DCC: variants seen among roughly 807,000 people sequenced by gnomAD.
DCC encodes the protein DCC netrin 1 receptor, also known as netrin receptor DCC.
In DCC, 58 loss-of-function variants were observed where a neutral mutation model predicts 172.5. That is an observed-to-expected ratio of 0.34 (90% confidence interval 0.27 to 0.42). The LOEUF is 0.42. Ranked by LOEUF, DCC falls within the 10% of genes least tolerant of loss-of-function variation. The pLI is 1.00. For synonymous variants in DCC, 709 were observed against 644.5 expected (o/e 1.10, Z -1.52); for missense variants, 1,740 against 1,791.0 (o/e 0.97, Z 0.51).
chr18:53,071,314 G>A (rs2042648158), intron 7 of DCC, among the ~76,000 whole-genome samples: 1 of 152,166 alleles, frequency 6.6e-6, no homozygotes, highest in African/African-American at 2.4e-5. Flanking sequence ...TCCAGAAAAT[G>A]CTAGGGAAAA....
chr18:52,835,814 A>T (rs2145305515), intron 2 of DCC, among the ~76,000 whole-genome samples: 1 of 152,358 alleles, frequency 6.6e-6, no homozygotes, highest in Non-Finnish European at 1.5e-5. Context: ...TTTTATTTTT[A>T]AAAAATCTTT....
At chr18:52,461,763 T>C (rs12607228) in intron 1 of DCC, among the ~76,000 whole-genome samples, 36,030 of 152,184 alleles carry the variant, frequency 0.24, 4,942 homozygotes, top group Admixed American at 0.34. Flanking sequence ...AAGATTTATT[T>C]GTGGTGATCT....
intron 1 of DCC, among the ~76,000 whole-genome samples, chr18:52,723,221 T>G (rs1429048032): frequency 5.3e-5 from 8 of 152,228 alleles, no homozygotes; most frequent in Admixed American, 5.2e-4. Flanking sequence ...CTCTAATTCT[T>G]AGGCTGTGTC....
At chr18:53,212,679 C>CT (rs954098774) in intron 11 of DCC, among the ~76,000 whole-genome samples, 13 of 54,380 alleles carry the variant, frequency 2.4e-4, no homozygotes, top group African/African-American at 3.8e-4. Flanking sequence ...TTTTTTTTTT[C>CT]TTTTTTTTTG....
intron 14 of DCC, among the ~76,000 whole-genome samples, chr18:53,328,975 C>T (rs773092623): frequency 2.6e-5 from 4 of 152,136 alleles, no homozygotes; most frequent in Non-Finnish European, 5.9e-5. Flanking sequence ...ATTTAGGGAA[C>T]AGATGTATCC....
At chr18:53,257,306 T>C (rs1360535744) in intron 12 of DCC, among the ~76,000 whole-genome samples, 1 of 152,218 alleles carries the variant, frequency 6.6e-6, no homozygotes, top group African/African-American at 2.4e-5. Context: ...TCAAAGGGAA[T>C]GCTTCCAGTT....
At chr18:52,387,985 T>A (rs1985881722) in intron 1 of DCC, among the ~76,000 whole-genome samples, 2 of 152,084 alleles carry the variant, frequency 1.3e-5, no homozygotes, top group Non-Finnish European at 2.9e-5. Flanking sequence ...TGGAGGGTGT[T>A]CTTCAGCATG....
chr18:52,599,321 G>T (rs1201750705), intron 1 of DCC, among the ~76,000 whole-genome samples: 1 of 152,050 alleles, frequency 6.6e-6, no homozygotes, highest in East Asian at 1.9e-4. Flanking sequence ...CCTTTTCTGT[G>T]CAGGGCCATA....
At position 52,761,161 on chromosome 18, in the gene DCC, G is replaced by C. The variant is rs535548668; in HGVS notation, c.412+8787G>C. On this transcript the variant is annotated intron_variant, in intron 2 of 28. Coordinates refer to ENST00000442544, the MANE Select transcript of DCC (RefSeq NM_005215.4). The stretch of plus-strand genomic sequence containing the variant: ...CATGGCGGAAGGCAAGGAGGAGCAA[G>C]TCACATCTTACATGGATGGTGGCAG... 1.7e-4 allele frequency among the ~76,000 whole-genome samples: 26 copies of C among 152,310 alleles called. No individual in the cohort carries two copies. The South Asian group carries it at 5.2e-3, about 30-fold the overall frequency.
chr18:53,217,352 C>G (rs527924314), intron 12 of DCC, among the ~76,000 whole-genome samples: 1 of 150,990 alleles, frequency 6.6e-6, no homozygotes, highest in Non-Finnish European at 1.5e-5. Flanking sequence ...ACAGCTTCTA[C>G]TCTTCTCTAA....
chr18:53,256,105 G>A (rs960679023), intron 12 of DCC, among the ~76,000 whole-genome samples: 11 of 152,014 alleles, frequency 7.2e-5, no homozygotes, highest in Non-Finnish European at 1.3e-4. Context: ...TGTAGATTCT[G>A]GATATTAGCC....
chr18:53,161,397 C>T (rs2054837557), intron 8 of DCC, among the ~76,000 whole-genome samples: 1 of 152,184 alleles, frequency 6.6e-6, no homozygotes, highest in Non-Finnish European at 1.5e-5. Flanking sequence ...ACTCTGGCTA[C>T]TCATTTTCAG....
chr18:52,474,218 G>C (rs73955689), intron 1 of DCC, among the ~76,000 whole-genome samples: 27 of 104,458 alleles, frequency 2.6e-4, no homozygotes, highest in South Asian at 2.4e-3. Flanking sequence ...GAGAGAGAGA[G>C]AGAGAGAGAG....
chr18:53,436,814 G>C (rs1029908740), intron 22 of DCC, among the ~76,000 whole-genome samples: 1 of 152,032 alleles, frequency 6.6e-6, no homozygotes, highest in African/African-American at 2.4e-5. Context: ...GAAATTTATT[G>C]CTCACAGTTT....
At chr18:52,387,629 T>TCCTG (rs967134044) in intron 1 of DCC, among the ~76,000 whole-genome samples, 1 of 149,276 alleles carries the variant, frequency 6.7e-6, no homozygotes, top group African/African-American at 2.4e-5. Flanking sequence ...CTTCCTTCCT[T>TCCTG]CCTTCTGTCC....
chr18:53,073,166 A>C (rs2042678092), intron 7 of DCC, among the ~76,000 whole-genome samples: 1 of 152,166 alleles, frequency 6.6e-6, no homozygotes, highest in South Asian at 2.1e-4. Context: ...GAAAATAGAA[A>C]AAGAGATAAA....
chr18:52,496,442 AG>A (rs1215771131), intron 1 of DCC, among the ~76,000 whole-genome samples: 1 of 152,214 alleles, frequency 6.6e-6, no homozygotes, highest in East Asian at 1.9e-4. Context: ...TCAAAACATC[AG>A]AAAAGTTATT....
intron 24 of DCC, among the ~76,000 whole-genome samples, chr18:53,460,774 A>C (rs1429835427): frequency 2.6e-5 from 4 of 152,170 alleles, no homozygotes; most frequent in African/African-American, 9.7e-5. Flanking sequence ...AGCACGATTT[A>C]TAGTCCTTTG....
chr18:53,391,967 G>A lies in DCC; in HGVS notation c.2688+80G>A, dbSNP rs149070513. ...CATTGTTTTAAACCTCTCCTGGACT[G>A]TCATGAGTCGTTTTGCTGCTGTGTA... On this transcript the variant is annotated intron_variant, in intron 17 of 28. Coordinates refer to ENST00000442544, the MANE Select transcript of DCC (RefSeq NM_005215.4). 1.6e-3 allele frequency: 1,318 copies of A among 824,598 alleles called. 6 individuals are homozygous for A. The highest frequency in any genetic ancestry group is 0.015 in the Middle Eastern group (66 of 4,504). 51.1% of individuals were successfully genotyped at this position (824,598 alleles called of 1,614,324 possible). A position where few individuals can be genotyped will look rare whatever the true frequency, so the allele number is the denominator to read the frequency against.
Sources: gnomAD v4.1 joint callset for allele counts (sites outside exome capture counted in the v4.1 genomes callset) on GRCh38, gnomAD v4.1.1 for gene constraint, MANE v1.5 for transcripts, NCBI Gene and HGNC (gene_info 2026-07-23, HGNC 2026-07-21) for gene names.